GLMN: variants seen among roughly 807,000 people sequenced by gnomAD.
GLMN encodes glomulin, FKBP associated protein, also known as glomulin.
GLMN carries 75 observed loss-of-function variants against 87.8 expected under a neutral mutation model. The ratio of observed to expected loss-of-function variants is 0.85; its 90% CI spans 0.71 to 1.04. The LOEUF is 1.04. Ranked by LOEUF, GLMN falls within the 50% of genes least tolerant of loss-of-function variation. The pLI, the probability that GLMN is intolerant of heterozygous loss-of-function variation, is 0.00. For missense variants in GLMN, 588 were observed against 658.8 expected, an observed-to-expected ratio of 0.89 and a Z score of 1.18; for synonymous variants, 206 against 221.6, an observed-to-expected ratio of 0.93 and a Z score of 0.63.
At chr1:92,363,801 C>A in the GLMN span, 1 of 274,690 alleles carries the variant, frequency 3.6e-6, no homozygotes, top group Non-Finnish European at 7.2e-6. Flanking sequence ...TTATGATTTG[C>A]TTAACATTTT....
At chr1:92,363,596 C>T in the GLMN span, 1 of 163,012 alleles carries the variant, frequency 6.1e-6, no homozygotes, top group African/African-American at 2.4e-5. Flanking sequence ...CCTTGAACAA[C>T]ATGGGTTTAT....
intron 6 of GLMN, among the ~76,000 whole-genome samples, chr1:92,286,930 G>A (rs1648821682): frequency 6.6e-6 from 1 of 152,204 alleles, no homozygotes; most frequent in Non-Finnish European, 1.5e-5. Flanking sequence ...CCAGCCTCCA[G>A]AACTGTGAAC....
chr1:92,295,949 A>G (rs576679622), intron 3 of GLMN, among the ~76,000 whole-genome samples: 8 of 152,338 alleles, frequency 5.3e-5, no homozygotes, highest in Non-Finnish European at 1.0e-4. Flanking sequence ...CAATTAGAAA[A>G]AAATCAAGAA....
intron 9 of GLMN, among the ~76,000 whole-genome samples, chr1:92,268,556 T>C (rs1655900933): frequency 6.6e-6 from 1 of 152,250 alleles, no homozygotes; most frequent in African/African-American, 2.4e-5. Context: ...AAACAATACA[T>C]ATTATCACTG....
chr1:92,327,766 T>C, the GLMN span, among the ~76,000 whole-genome samples: 1 of 152,174 alleles, frequency 6.6e-6, no homozygotes, highest in African/African-American at 2.4e-5. Flanking sequence ...AGATTTATGC[T>C]TTAAAGAGAT....
At chr1:92,335,597 G>A in the GLMN span, among the ~76,000 whole-genome samples, 1 of 151,854 alleles carries the variant, frequency 6.6e-6, no homozygotes, top group Non-Finnish European at 1.5e-5. Context: ...AAATATGCTT[G>A]ATATATATGA....
chr1:92,320,594 T>C, the GLMN span: 1 of 1,610,894 alleles, frequency 6.2e-7, no homozygotes, highest in Non-Finnish European at 8.5e-7. Context: ...GTGTTCTTAT[T>C]ACAGGCATCC....
intron 3 of GLMN, among the ~76,000 whole-genome samples, chr1:92,297,115 C>CTTTTTTTTTTT (rs1034040272): frequency 7.6e-5 from 9 of 118,288 alleles, no homozygotes; most frequent in Non-Finnish European, 9.1e-5. Context: ...TGTTTCTTTT[C>CTTTTTTTTTTT]TTTTTTTTTT....
chr1:92,260,765 GAAAAAAA>G (rs765865353), intron 16 of GLMN, among the ~76,000 whole-genome samples: 5 of 100,078 alleles, frequency 5.0e-5, no homozygotes, highest in Admixed American at 3.6e-4. Flanking sequence ...CTTTGAGATG[GAAAAAAA>G]AAAAAAAAAA....
At chr1:92,268,420 C>T (rs892710315) in intron 9 of GLMN, among the ~76,000 whole-genome samples, 17 of 152,168 alleles carry the variant, frequency 1.1e-4, no homozygotes, top group African/African-American at 4.1e-4. Context: ...ACTAACTAAA[C>T]CTGATATAAC....
chr1:92,364,743 T>G, the GLMN span, among the ~76,000 whole-genome samples: 1 of 152,112 alleles, frequency 6.6e-6, no homozygotes, highest in African/African-American at 2.4e-5. Context: ...AGGCCTTCAT[T>G]ACTTGCCTAG....
intron 13 of GLMN, among the ~76,000 whole-genome samples, chr1:92,265,252 T>C (rs1056028511): frequency 2.0e-5 from 3 of 151,208 alleles, no homozygotes; most frequent in African/African-American, 7.3e-5. Context: ...GAAAGGGCAC[T>C]AACATAATGG....
chr1:92,302,466 ATTTT>A (rs1475378745), upstream of GLMN, among the ~76,000 whole-genome samples: 5 of 151,534 alleles, frequency 3.3e-5, no homozygotes, highest in East Asian at 9.7e-4. Flanking sequence ...GTGTTGTGTT[ATTTT>A]AAGTAACAGA....
the GLMN span, among the ~76,000 whole-genome samples, chr1:92,332,016 C>T: frequency 1.3e-5 from 2 of 151,810 alleles, no homozygotes; most frequent in African/African-American, 4.8e-5. Context: ...TGTTTTCTTC[C>T]TCTAGCTTCT....
intron 16 of GLMN, among the ~76,000 whole-genome samples, chr1:92,258,455 T>TA (rs1449619962): frequency 1.3e-5 from 2 of 152,196 alleles, no homozygotes; most frequent in Non-Finnish European, 2.9e-5. Context: ...CATGCACATG[T>TA]ATGTTTACTG....
At chr1:92,266,799 A>C in intron 11 of GLMN, 58 bp from the exon 12 acceptor site, 2 of 1,069,544 alleles carry the variant, frequency 1.9e-6, no homozygotes, top group South Asian at 1.3e-5. Flanking sequence ...CTGCAAACAA[A>C]CAACTATAAT....
chr1:92,284,333 T>C (rs1353872557), intron 7 of GLMN, among the ~76,000 whole-genome samples: 1 of 152,210 alleles, frequency 6.6e-6, no homozygotes, highest in African/African-American at 2.4e-5. Flanking sequence ...TACAACCATC[T>C]GATCTTTGAC....
chr1:92,353,623 T>A, the GLMN span, among the ~76,000 whole-genome samples: 2 of 152,184 alleles, frequency 1.3e-5, no homozygotes, highest in South Asian at 4.1e-4. Context: ...ATAAAATTCA[T>A]TTTTTGTTTC....
intron 16 of GLMN, among the ~76,000 whole-genome samples, chr1:92,255,671 A>G (rs150725546): frequency 2.0e-5 from 3 of 152,330 alleles, no homozygotes; most frequent in Admixed American, 6.5e-5. Flanking sequence ...TACTGGGTAA[A>G]TAACGAAATT....
Sources: allele counts gnomAD v4.1 joint callset (sites outside exome capture counted in the v4.1 genomes callset), GRCh38; gene constraint gnomAD v4.1.1; transcripts MANE v1.5; gene names NCBI Gene and HGNC (gene_info 2026-07-23, HGNC 2026-07-21).